The following ADAMTS2 variants were observed in gnomAD, a reference collection of about 807,000 sequenced individuals.
ADAMTS2 encodes A disintegrin and metalloproteinase with thrombospondin motifs 2.
A neutral mutation model predicts 123.0 loss-of-function variants in ADAMTS2; 50 were observed. That is an observed-to-expected ratio of 0.41 (90% CI 0.32 to 0.51). The LOEUF is 0.51. Among genes scored for constraint, ADAMTS2 ranks in the 20% least tolerant of loss-of-function variants. ADAMTS2 has a pLI of 0.35. For synonymous variants in ADAMTS2, 678 were observed against 695.4 expected (o/e 0.98, Z 0.39); for missense variants, 1,494 against 1,705.2 (o/e 0.88, Z 2.18).
chr5:179,188,694 C>T lies in ADAMTS2; in HGVS notation c.892-7539G>A, dbSNP rs574622079. ...GAGTCCCCTCCTTCAATACCCAGCGCAGGAACACTCTGCCCAAGGCCACCC... is the reference window on the plus strand; with the variant it reads ...GAGTCCCCTCCTTCAATACCCAGCGTAGGAACACTCTGCCCAAGGCCACCC... On this transcript the variant is annotated intron_variant, in intron 4 of 21. Coordinates refer to ENST00000251582, the MANE Select transcript of ADAMTS2 (RefSeq NM_014244.5). The surrounding 1 kb of genome is among the most constrained non-coding windows in gnomAD (Gnocchi z 5.1). Among the ~76,000 whole-genome samples the T allele has an allele frequency of 2.6e-5, 4 of 152,258 alleles. No homozygotes were observed. The highest frequency in any genetic ancestry group is 5.9e-5 in the Non-Finnish European group (4 of 68,018).
chr5:179,127,832 A>T, intron 17 of ADAMTS2, 127 bp downstream of exon 17: 2 of 1,224,372 alleles, frequency 1.6e-6, no homozygotes, highest in South Asian at 1.4e-5. Context: ...GCCCTTGCCC[A>T]CCCAGGCAAA....
intron 11 of ADAMTS2, among the ~76,000 whole-genome samples, chr5:179,138,344 T>A (rs1231760458): frequency 6.6e-6 from 1 of 152,090 alleles, no homozygotes; most frequent in Non-Finnish European, 1.5e-5. Context: ...AGGAGCTGAG[T>A]GAGTCTCCTC....
At position 179,325,922 on chromosome 5, in the gene ADAMTS2, G is replaced by A. The variant is rs578029381; in HGVS notation, c.534+17845C>T. On this transcript the variant is annotated intron_variant, in intron 2 of 21. Coordinates refer to ENST00000251582, the MANE Select transcript of ADAMTS2 (RefSeq NM_014244.5). ...TGGGAGGACAGGAGCGAGGCCAGCC[G>A]CCTCTGGGCCACACCCTCCGGATTC... is the stretch of plus-strand genomic sequence containing the variant. Among the ~76,000 whole-genome samples the A allele has an allele frequency of 5.3e-5, 8 of 152,338 alleles. No individual in the cohort carries two copies. The East Asian group carries it at 7.7e-4, about 15-fold the overall frequency.
At position 179,153,663 on chromosome 5, in the gene ADAMTS2, G is replaced by A. The variant is rs370811339; in HGVS notation, c.1383-40C>T. ...CGGTGCCGCGAGCAGCCTTCAGCGCGGCTGACCATCCACAGCCCTGGAGGC... is the reference window on the plus strand; with the variant it reads ...CGGTGCCGCGAGCAGCCTTCAGCGCAGCTGACCATCCACAGCCCTGGAGGC... On this transcript the variant is annotated intron_variant, in intron 8 of 21. Transcript: ENST00000251582. 51 of 1,579,764 alleles carry A rather than the reference G, an allele frequency of 3.2e-5. No homozygotes were observed. The African/African-American group carries it at 5.1e-4, about 16-fold the overall frequency.
chr5:179,320,427 C>T (rs1249167252), intron 2 of ADAMTS2, among the ~76,000 whole-genome samples: 1 of 152,206 alleles, frequency 6.6e-6, no homozygotes. Context: ...CCTGCCTCAG[C>T]CTCCTGAGTA....
At position 179,260,913 on chromosome 5, in the gene ADAMTS2, G is replaced by T. The variant is rs577464047; in HGVS notation, c.688+11998C>A. ...TTCTCTCTGCTTCCAGGACTACCGT[G>T]CCTATTAAATGACACCATGAAGAGT... On this transcript the variant is annotated intron_variant, in intron 3 of 21. Coordinates refer to ENST00000251582, the MANE Select transcript of ADAMTS2 (RefSeq NM_014244.5). This position sits in a 1 kb window ranked among gnomAD's most constrained non-coding sequence, Gnocchi z 4.2. Among the ~76,000 whole-genome samples the T allele has an allele frequency of 3.3e-5, 5 of 152,202 alleles. No homozygotes were observed. In the South Asian group the frequency reaches 1.0e-3, roughly 32 times the overall value.
chr5:179,221,848 C>T (rs1765134612), intron 3 of ADAMTS2, among the ~76,000 whole-genome samples: 1 of 152,162 alleles, frequency 6.6e-6, no homozygotes, highest in South Asian at 2.1e-4. Context: ...TGCTGGGCCC[C>T]CAAACCACAT....
chr5:179,130,017 A>G lies in ADAMTS2; in HGVS notation c.2372T>C (p.Met791Thr). The part of the protein sequence containing the change: ...VDASSKTFIA[M>T]GVEWEYRDED... ...GTCTCTGTACTCCCACTCCACGCCC[A>G]TGGCAATGAAGGTTTTGGAACTGGC... The change falls in exon 16 of 22, where the codon ATG (methionine) becomes ACG (threonine). Residue 791 changes from methionine (M) to threonine (T), a missense_variant. Transcript: ENST00000251582. This position sits in a 1 kb window ranked among gnomAD's most constrained non-coding sequence, Gnocchi z 4.3. The G allele has an allele frequency of 1.9e-6, 3 of 1,614,096 alleles. No individual in the cohort carries two copies. The highest frequency in any genetic ancestry group is 2.5e-6 in the Non-Finnish European group (3 of 1,180,018).
In ADAMTS2 at chr5:179,170,321, CAG is replaced by C. The variant is rs1763789060; in HGVS notation, c.975+10749_975+10750del. Among the ~76,000 whole-genome samples, 1 of 152,132 alleles carries C rather than the reference CAG, an allele frequency of 6.6e-6. No homozygotes were observed. The highest frequency in any genetic ancestry group is 6.5e-5 in the Admixed American group (1 of 15,280). ...TTCTGTCACAATTTGGGATGAATAA[CAG>C]GAACCGAGTATCTGGGCCACTTTCT... On this transcript the variant is annotated intron_variant, in intron 5 of 21. Transcript: ENST00000251582. The surrounding 1 kb of genome is among the most constrained non-coding windows in gnomAD (Gnocchi z 4.3).
At chr5:179,304,970 A>G (rs967918327) in intron 2 of ADAMTS2, among the ~76,000 whole-genome samples, 7 of 152,058 alleles carry the variant, frequency 4.6e-5, no homozygotes, top group Admixed American at 4.6e-4. Context: ...TGCATTACTT[A>G]TAGGGGAAAA....
rs1255608311 is a variant in ADAMTS2 at position 179,189,522 on chromosome 5, T to TTG, written c.892-8368_892-8367insCA. ...GCCAGTGCGCCTGGTTTTTTTTTTT[T>TTG]TTTTTTTTTTTTTTTTAGTAGAGGC... On this transcript the variant is annotated intron_variant, in intron 4 of 21. Transcript: ENST00000251582. This position sits in a 1 kb window ranked among gnomAD's most constrained non-coding sequence, Gnocchi z 4.2. Among the ~76,000 whole-genome samples the TTG allele has an allele frequency of 7.2e-6, 1 of 139,444 alleles. No homozygotes were observed. The highest frequency in any genetic ancestry group is 1.6e-5 in the Non-Finnish European group (1 of 64,366). The allele number at this position is 139,444 out of a possible 152,430, so 91.5% of individuals were successfully genotyped here.
chr5:179,138,871 G>T (rs1420358631), intron 11 of ADAMTS2, among the ~76,000 whole-genome samples: 1 of 152,240 alleles, frequency 6.6e-6, no homozygotes, highest in Non-Finnish European at 1.5e-5. Flanking sequence ...AGGAGCGGCC[G>T]CAGAGGCCGG....
rs1402465914 is a variant in ADAMTS2 at position 179,114,251 on chromosome 5, G to A, written c.3252C>T (p.Gly1084=). 1.9e-6 allele frequency: 3 copies of A among 1,614,152 alleles called. No homozygotes were observed. The South Asian group carries it at 3.3e-5, about 18-fold the overall frequency. Residue 1084 remains glycine, a synonymous_variant, in exon 22 of 22, where the codon GGC becomes GGT. Coordinates refer to ENST00000251582, the MANE Select transcript of ADAMTS2 (RefSeq NM_014244.5). ...EVLSRYCSIP[G]YNKLCCKSCN... The stretch of plus-strand genomic sequence containing the variant: ...AGGACTTGCAGCACAGCTTGTTGTA[G>A]CCTGGGATGGAGCAATAGCGGGACA...
Position 179,202,397 on chromosome 5 carries a change from T to C in ADAMTS2, c.891+5116A>G, listed in dbSNP as rs563897733. 6.6e-6 allele frequency among the ~76,000 whole-genome samples: 1 copy of C among 152,326 alleles called. No homozygotes were observed. The highest frequency in any genetic ancestry group is 2.4e-5 in the African/African-American group (1 of 41,570). ...ATCTCCAGTGCACCAGCCCCTGAGC[T>C]GTAGAAAGTGGCCTGCCTTCCCCTA... On this transcript the variant is annotated intron_variant, in intron 4 of 21. Coordinates refer to ENST00000251582, the MANE Select transcript of ADAMTS2 (RefSeq NM_014244.5). The surrounding 1 kb of genome is among the most constrained non-coding windows in gnomAD (Gnocchi z 4.0).
intron 2 of ADAMTS2, among the ~76,000 whole-genome samples, chr5:179,291,536 G>A (rs1756190478): frequency 6.6e-6 from 1 of 152,144 alleles, no homozygotes; most frequent in Admixed American, 6.5e-5. Context: ...GCAGAGGGAT[G>A]GAATGCCTGT....
intron 10 of ADAMTS2, among the ~76,000 whole-genome samples, chr5:179,146,326 T>G (rs1179242693): frequency 6.6e-6 from 1 of 152,232 alleles, no homozygotes; most frequent in Non-Finnish European, 1.5e-5. Context: ...AAAGAAGTTA[T>G]GGGTGACGCC....
At chr5:179,342,326 G>T (rs1757800398) in intron 2 of ADAMTS2, among the ~76,000 whole-genome samples, 2 of 151,534 alleles carry the variant, frequency 1.3e-5, no homozygotes. Flanking sequence ...TTAACCTCCA[G>T]CGTAAAATGG....
In ADAMTS2 at chr5:179,285,682, A is replaced by G. The variant is rs537774610; in HGVS notation, c.535-12618T>C. On this transcript the variant is annotated intron_variant, in intron 2 of 21. Coordinates refer to ENST00000251582, the MANE Select transcript of ADAMTS2 (RefSeq NM_014244.5). The surrounding 1 kb of genome is among the most constrained non-coding windows in gnomAD (Gnocchi z 4.9). ...TGACATTTCCCAGGTCTCGTTCAGC[A>G]TGAAGCCCACGTCGGGGAACGTCCC... 2.9e-4 allele frequency among the ~76,000 whole-genome samples: 44 copies of G among 152,376 alleles called. No individual in the cohort carries two copies. The highest frequency in any genetic ancestry group is 1.1e-3 in the African/African-American group (44 of 41,600).
intron 10 of ADAMTS2, among the ~76,000 whole-genome samples, chr5:179,149,167 C>A (rs1210803143): frequency 6.6e-6 from 1 of 152,196 alleles, no homozygotes. Context: ...AAGCCCTAAC[C>A]CCCAGTGTGG....
Sources: gnomAD v4.1 joint callset for allele counts (sites outside exome capture counted in the v4.1 genomes callset) on GRCh38, gnomAD v4.1.1 for gene constraint, Gnocchi (gnomAD v3.1) non-coding constraint, MANE v1.5 for transcripts, NCBI Gene and HGNC (gene_info 2026-07-23, HGNC 2026-07-21) for gene names.